The following EPS15 variants were observed in gnomAD, a reference collection of about 807,000 sequenced individuals.
EPS15 encodes epidermal growth factor receptor substrate 15.
A neutral mutation model predicts 113.8 loss-of-function variants in EPS15; 72 were observed. That is an observed-to-expected ratio of 0.63 (90% CI 0.52 to 0.77). EPS15 has a LOEUF of 0.77. EPS15 is among the 30% of genes least tolerant of loss of function. The pLI, the probability that EPS15 is intolerant of heterozygous loss-of-function variation, is 0.00. For missense variants in EPS15, 1,048 were observed against 1,045.8 expected, an observed-to-expected ratio of 1.00 and a Z score of -0.03; for synonymous variants, 344 against 363.4, an observed-to-expected ratio of 0.95 and a Z score of 0.61.
intron 14 of EPS15, among the ~76,000 whole-genome samples, chr1:51,408,744 C>T (rs1455814702): frequency 6.6e-6 from 1 of 151,644 alleles, no homozygotes; most frequent in Non-Finnish European, 1.5e-5. Flanking sequence ...CCTCTCACCT[C>T]AGCCTCTCGA....
intron 1 of EPS15, among the ~76,000 whole-genome samples, chr1:51,506,767 G>A (rs1428890623): frequency 5.4e-5 from 8 of 148,442 alleles, no homozygotes; most frequent in African/African-American, 1.7e-4. Flanking sequence ...CTTACAAGGC[G>A]CCGCATAAAA....
chr1:51,491,323 C>G lies in EPS15; in HGVS notation c.34-10009G>C, dbSNP rs1015210749. On this transcript the variant is annotated intron_variant, in intron 1 of 24. Transcript: ENST00000371733. ...AAATCAGAATGGGGACTAGCCACCA[C>G]AGCCTTTCAACTCCCACCTCAACCA... is the stretch of plus-strand genomic sequence containing the variant. 3.9e-5 allele frequency among the ~76,000 whole-genome samples: 6 copies of G among 152,164 alleles called. No homozygotes were observed. In the East Asian group the frequency reaches 9.6e-4, roughly 24 times the overall value.
Position 51,481,256 on chromosome 1 carries a change from T to C in EPS15, c.75+17A>G. On this transcript the variant is annotated intron_variant, in intron 2 of 24. Transcript: ENST00000371733. ...TTTAATGTTCAATCCAGGCAAACAA[T>C]GAAACAAAAATCTTACCTGTCTATA... is the stretch of plus-strand genomic sequence containing the variant. 1 of 1,303,388 alleles carries C rather than the reference T, an allele frequency of 7.7e-7. No homozygotes were observed. Among genetic ancestry groups the C allele is most frequent in the Admixed American group, 1.7e-5 (1 of 58,432 alleles). The allele number at this position is 1,303,388 out of a possible 1,614,324, so 80.7% of individuals were successfully genotyped here.
chr1:51,362,464 A>G (rs1389554966), intron 23 of EPS15, among the ~76,000 whole-genome samples: 1 of 152,196 alleles, frequency 6.6e-6, no homozygotes, highest in African/African-American at 2.4e-5. Context: ...AAACACTAGC[A>G]TATTATTTTA....
intron 1 of EPS15, among the ~76,000 whole-genome samples, chr1:51,514,348 T>C (rs1644676979): frequency 1.3e-5 from 2 of 152,124 alleles, no homozygotes; most frequent in South Asian, 2.1e-4. Context: ...TACTTGGTTT[T>C]GGTTTCCAGA....
intron 10 of EPS15, among the ~76,000 whole-genome samples, chr1:51,445,906 C>T (rs1172935162): frequency 6.6e-6 from 1 of 152,184 alleles, no homozygotes; most frequent in Non-Finnish European, 1.5e-5. Flanking sequence ...ATATAAAAAG[C>T]TTAGGCATAA....
chr1:51,468,016 C>T (rs530154583), intron 5 of EPS15, among the ~76,000 whole-genome samples: 9 of 152,126 alleles, frequency 5.9e-5, no homozygotes, highest in East Asian at 1.9e-4. Flanking sequence ...TGGAGAGCAA[C>T]GGTGTGATCA....
At chr1:51,495,080 C>T (rs998692247) in intron 1 of EPS15, among the ~76,000 whole-genome samples, 3 of 152,204 alleles carry the variant, frequency 2.0e-5, no homozygotes, top group African/African-American at 2.4e-5. Flanking sequence ...ATAAAGTATG[C>T]AAGCCTGAAG....
intron 21 of EPS15, among the ~76,000 whole-genome samples, chr1:51,375,710 T>C (rs1053323610): frequency 1.3e-5 from 2 of 152,356 alleles, no homozygotes; most frequent in East Asian, 1.9e-4. Flanking sequence ...TATATAATAA[T>C]AACTAATTCT....
chr1:51,443,252 C>A (rs1408722436), intron 11 of EPS15, among the ~76,000 whole-genome samples: 1 of 150,536 alleles, frequency 6.6e-6, no homozygotes, highest in Non-Finnish European at 1.5e-5. Flanking sequence ...TCTGTCATAT[C>A]TAAAATTTGT....
chr1:51,413,625 A>T (rs930540688), intron 13 of EPS15, among the ~76,000 whole-genome samples: 6 of 152,224 alleles, frequency 3.9e-5, no homozygotes, highest in Non-Finnish European at 7.3e-5. Flanking sequence ...TAAACTTTTT[A>T]AAATAATACC....
rs756755072 is a variant in EPS15 at position 51,403,502 on chromosome 1, C to G, written c.1708G>C (p.Gly570Arg). The change falls in exon 17 of 25, where the codon GGT (glycine) becomes CGT (arginine). Residue 570 changes from glycine to arginine, a missense_variant. Gly to Arg is a moderately radical substitution (Grantham distance 125, BLOSUM62 -2). Coordinates refer to ENST00000371733, the MANE Select transcript of EPS15 (RefSeq NM_001981.3). ...ARSSPELLPS[G>R]VTDENEVTTA... is the part of the protein sequence containing the mutation. Reference sequence around the variant, plus strand: ...GTCACCTCATTTTCATCAGTCACACCAGAAGGCAGTAGTTCAGGACTACTT... The same window carrying G: ...GTCACCTCATTTTCATCAGTCACACGAGAAGGCAGTAGTTCAGGACTACTT... The G allele has an allele frequency of 7.5e-6, 12 of 1,607,842 alleles. No individual in the cohort carries two copies. In the East Asian group the frequency reaches 2.7e-4, roughly 36 times the overall value.
At chr1:51,424,613 G>A (rs1651046481) in intron 12 of EPS15, among the ~76,000 whole-genome samples, 1 of 152,100 alleles carries the variant, frequency 6.6e-6, no homozygotes, top group South Asian at 2.1e-4. Context: ...TTCAAAAATA[G>A]GTGTGTGAGG....
Position 51,426,837 on chromosome 1 carries a change from C to A in EPS15, c.1041-4979G>T, listed in dbSNP as rs369134789. Among the ~76,000 whole-genome samples, 1,432 of 143,606 alleles carry A rather than the reference C, an allele frequency of 1.0e-2. 12 individuals are homozygous for A. The highest frequency in any genetic ancestry group is 0.024 in the African/African-American group (889 of 37,814). The allele number at this position is 143,606 out of a possible 152,430, so 94.2% of individuals were successfully genotyped here. A position where few individuals can be genotyped will look rare whatever the true frequency, so the allele number is the denominator to read the frequency against. Reference sequence around the variant, plus strand: ...AATCTGTCTCTCTCTCTCTCTCTCTCTATATATATATATATACACACACAC... The same window carrying A: ...AATCTGTCTCTCTCTCTCTCTCTCTATATATATATATATATACACACACAC... On this transcript the variant is annotated intron_variant, in intron 12 of 24. Transcript: ENST00000371733.
At chr1:51,502,304 C>A (rs1400370228) in intron 1 of EPS15, among the ~76,000 whole-genome samples, 1 of 152,104 alleles carries the variant, frequency 6.6e-6, no homozygotes, top group African/African-American at 2.4e-5. Context: ...CCTTCTTCCT[C>A]ATTAGTATAG....
At chr1:51,473,174 T>C (rs1015779605) in intron 2 of EPS15, among the ~76,000 whole-genome samples, 2 of 152,108 alleles carry the variant, frequency 1.3e-5, no homozygotes, top group African/African-American at 2.4e-5. Context: ...TGCCCTACCA[T>C]ACAAATGAGA....
At chr1:51,434,615 A>G (rs964725087) in intron 12 of EPS15, among the ~76,000 whole-genome samples, 1 of 152,170 alleles carries the variant, frequency 6.6e-6, no homozygotes, top group African/African-American at 2.4e-5. Context: ...TCAGTTTTGT[A>G]AGATGAAAAG....
intron 21 of EPS15, chr1:51,372,571 T>A (rs1646684029): frequency 7.6e-6 from 4 of 524,606 alleles, no homozygotes; most frequent in Non-Finnish European, 1.5e-5. Flanking sequence ...TACACAAGAG[T>A]AACATTGCCA....
chr1:51,438,693 A>G (rs1652349740), intron 12 of EPS15, among the ~76,000 whole-genome samples: 1 of 152,178 alleles, frequency 6.6e-6, no homozygotes, highest in Non-Finnish European at 1.5e-5. Context: ...GAAAATGAAC[A>G]GTATAAACAC....
Sources: allele counts gnomAD v4.1 joint callset (sites outside exome capture counted in the v4.1 genomes callset), GRCh38; gene constraint gnomAD v4.1.1; transcripts MANE v1.5; gene names NCBI Gene and HGNC (gene_info 2026-07-23, HGNC 2026-07-21).